CHST9: variants seen among roughly 807,000 people sequenced by gnomAD.
CHST9 encodes the protein GalNAc-4-sulfotransferase 2.
A neutral mutation model predicts 44.4 loss-of-function variants in CHST9; 41 were observed. The ratio of observed to expected loss-of-function variants is 0.92; its 90% CI spans 0.72 to 1.20. CHST9 has a LOEUF of 1.20. CHST9 is among the 50% of genes most tolerant of loss of function. The pLI, the probability that CHST9 is intolerant of heterozygous loss-of-function variation, is 0.00. For missense variants in CHST9, 504 were observed against 516.5 expected, an observed-to-expected ratio of 0.98 and a Z score of 0.23; for synonymous variants, 171 against 178.4, an observed-to-expected ratio of 0.96 and a Z score of 0.33.
intron 2 of CHST9, among the ~76,000 whole-genome samples, chr18:27,081,000 G>C (rs1003857298): frequency 6.6e-6 from 1 of 152,142 alleles, no homozygotes; most frequent in African/African-American, 2.4e-5. Flanking sequence ...AGGAGTGATA[G>C]TACAAGCCAT....
intron 1 of CHST9, among the ~76,000 whole-genome samples, chr18:27,174,798 C>T (rs1200128721): frequency 6.6e-6 from 1 of 152,028 alleles, no homozygotes; most frequent in Non-Finnish European, 1.5e-5. Context: ...TAATCCATTA[C>T]ATACATTATT....
intron 2 of CHST9, among the ~76,000 whole-genome samples, chr18:27,120,835 C>T (rs2058368325): frequency 6.6e-6 from 1 of 152,114 alleles, no homozygotes; most frequent in Non-Finnish European, 1.5e-5. Context: ...GTTCTAAAGG[C>T]CTTAGGAACT....
chr18:27,064,412 G>A (rs958257801), intron 2 of CHST9, among the ~76,000 whole-genome samples: 6 of 152,180 alleles, frequency 3.9e-5, no homozygotes, highest in East Asian at 1.9e-4. Flanking sequence ...ACTCTGTTCC[G>A]CACGCATCAG....
intron 4 of CHST9, among the ~76,000 whole-genome samples, chr18:26,945,944 C>T (rs2056155674): frequency 1.3e-5 from 2 of 152,054 alleles, no homozygotes; most frequent in South Asian, 4.2e-4. Flanking sequence ...GTACCAAGCT[C>T]CATGTCATAT....
chr18:26,965,148 G>A (rs1270360570), intron 4 of CHST9, among the ~76,000 whole-genome samples: 2 of 152,098 alleles, frequency 1.3e-5, no homozygotes, highest in Non-Finnish European at 2.9e-5. Flanking sequence ...GCATTTTTTG[G>A]GTTTAGAATT....
At chr18:27,010,029 T>G (rs1049794961) in intron 4 of CHST9, among the ~76,000 whole-genome samples, 2 of 152,242 alleles carry the variant, frequency 1.3e-5, no homozygotes, top group East Asian at 3.8e-4. Context: ...AACCTCAGTT[T>G]TCTGTGAAGG....
At chr18:26,994,604 G>A (rs1270650002) in intron 4 of CHST9, among the ~76,000 whole-genome samples, 1 of 152,042 alleles carries the variant, frequency 6.6e-6, no homozygotes, top group African/African-American at 2.4e-5. Context: ...GCGGGGCTGG[G>A]GGGTGGACAG....
At chr18:27,135,918 G>A (rs1169461227) in intron 2 of CHST9, among the ~76,000 whole-genome samples, 3 of 152,182 alleles carry the variant, frequency 2.0e-5, no homozygotes, top group South Asian at 2.1e-4. Context: ...CTCACGTGAC[G>A]CTGTTGCTTC....
At chr18:27,032,834 T>C (rs1042048103) in intron 3 of CHST9, among the ~76,000 whole-genome samples, 1 of 152,206 alleles carries the variant, frequency 6.6e-6, no homozygotes, top group African/African-American at 2.4e-5. Context: ...ATAGGACTCA[T>C]AAGGGACAAG....
At chr18:26,999,061 C>A (rs1392542265) in intron 4 of CHST9, among the ~76,000 whole-genome samples, 1 of 152,158 alleles carries the variant, frequency 6.6e-6, no homozygotes, top group Non-Finnish European at 1.5e-5. Flanking sequence ...CTTGGGAGAA[C>A]ATAATAAAAA....
chr18:27,181,791 T>C (rs2058914445), intron 1 of CHST9, among the ~76,000 whole-genome samples: 1 of 152,196 alleles, frequency 6.6e-6, no homozygotes, highest in South Asian at 2.1e-4. Context: ...TTAACACATA[T>C]TCATTAAACA....
intron 4 of CHST9, among the ~76,000 whole-genome samples, chr18:26,985,604 C>T (rs2056745557): frequency 6.6e-6 from 1 of 152,150 alleles, no homozygotes; most frequent in Non-Finnish European, 1.5e-5. Flanking sequence ...CTAGAGTTCT[C>T]AAGACAAAGA....
intron 4 of CHST9, among the ~76,000 whole-genome samples, chr18:26,971,029 C>G (rs2056535993): frequency 6.6e-6 from 1 of 152,196 alleles, no homozygotes; most frequent in Admixed American, 6.5e-5. Flanking sequence ...CCAGCCTCAT[C>G]CTCATTAGTG....
intron 2 of CHST9, among the ~76,000 whole-genome samples, chr18:27,057,320 T>G (rs1433805481): frequency 6.6e-6 from 1 of 152,210 alleles, no homozygotes; most frequent in Non-Finnish European, 1.5e-5. Context: ...TGGGCCAATT[T>G]GAAAACCAAC....
intron 3 of CHST9, among the ~76,000 whole-genome samples, chr18:27,041,673 G>A (rs1313807532): frequency 1.3e-5 from 2 of 152,014 alleles, no homozygotes; most frequent in South Asian, 2.1e-4. Context: ...TAGCTACTTA[G>A]CATTTCAGAT....
intron 2 of CHST9, among the ~76,000 whole-genome samples, chr18:27,111,027 C>A (rs949185405): frequency 6.6e-6 from 1 of 152,246 alleles, no homozygotes; most frequent in African/African-American, 2.4e-5. Flanking sequence ...TAAAGTCTAT[C>A]AGTGTGGCTT....
chr18:26,917,413 G>A (rs994752357), intron 5 of CHST9, 63 bp from the exon 6 acceptor site: 38 of 1,512,250 alleles, frequency 2.5e-5, no homozygotes, highest in Non-Finnish European at 3.4e-5. Context: ...TACTGGATAA[G>A]GAACTTCACA....
chr18:27,105,306 A>G (rs2058211430), intron 2 of CHST9, among the ~76,000 whole-genome samples: 3 of 152,154 alleles, frequency 2.0e-5, no homozygotes, highest in African/African-American at 7.2e-5. Context: ...TGCCTTAAAG[A>G]AAAGAAAGCA....
chr18:27,174,598 C>T (rs2058854666), intron 1 of CHST9, among the ~76,000 whole-genome samples: 2 of 151,944 alleles, frequency 1.3e-5, no homozygotes, highest in Non-Finnish European at 2.9e-5. Context: ...CTGTCCCCAT[C>T]AACCATTCAC....
Sources: gnomAD v4.1 joint callset for allele counts (sites outside exome capture counted in the v4.1 genomes callset) on GRCh38, gnomAD v4.1.1 for gene constraint, MANE v1.5 for transcripts, NCBI Gene and HGNC (gene_info 2026-07-23, HGNC 2026-07-21) for gene names.